GADL1: variants seen among roughly 807,000 people sequenced by gnomAD.
The protein encoded by GADL1 is GAD like acidic amino acid decarboxylase 1, also known as acidic amino acid decarboxylase GADL1.
Under a neutral mutation model 69.5 loss-of-function variants are expected in GADL1, and 71 were observed. The observed-to-expected ratio is 1.02, with a 90% CI of 0.84 to 1.25. GADL1 has a LOEUF of 1.25. Ranked by LOEUF, GADL1 falls within the 50% of genes most tolerant of loss-of-function variation. GADL1 has a pLI of 0.00. For synonymous variants in GADL1, 254 were observed against 214.4 expected, an observed-to-expected ratio of 1.18 and a Z score of -1.62; for missense variants, 737 against 631.8, an observed-to-expected ratio of 1.17 and a Z score of -1.79.
At chr3:30,854,591 G>A (rs554067444) in intron 4 of GADL1, 108 bp downstream of exon 4, 278 of 642,342 alleles carry the variant, frequency 4.3e-4, no homozygotes, top group Middle Eastern at 1.8e-3. Flanking sequence ...TATTTGCGAT[G>A]GCACTATGCA....
intron 13 of GADL1, among the ~76,000 whole-genome samples, chr3:30,785,786 G>T (rs1052918241): frequency 1.3e-5 from 2 of 151,654 alleles, no homozygotes; most frequent in African/African-American, 4.9e-5. Context: ...TAAGAAGTTT[G>T]CAATTTATAT....
At chr3:30,741,774 A>G (rs1402896122) in intron 14 of GADL1, among the ~76,000 whole-genome samples, 1 of 152,178 alleles carries the variant, frequency 6.6e-6, no homozygotes, top group East Asian at 1.9e-4. Context: ...AAAAAATATG[A>G]CTGCAATTTT....
chr3:30,749,281 G>A (rs1042230924), intron 14 of GADL1, among the ~76,000 whole-genome samples: 1 of 152,158 alleles, frequency 6.6e-6, no homozygotes, highest in Non-Finnish European at 1.5e-5. Flanking sequence ...AAGCAGAAAA[G>A]GTTACATAAG....
chr3:30,732,915 G>C (rs148816486), intron 14 of GADL1, among the ~76,000 whole-genome samples: 153 of 152,174 alleles, frequency 1.0e-3, no homozygotes, highest in Non-Finnish European at 1.7e-3. Flanking sequence ...AAATTAGCTG[G>C]GTGAGGTGCT....
At chr3:30,886,948 G>C (rs904953516) in intron 1 of GADL1, among the ~76,000 whole-genome samples, 3 of 152,200 alleles carry the variant, frequency 2.0e-5, no homozygotes, top group African/African-American at 7.2e-5. Flanking sequence ...GAATGAGCCA[G>C]TGCTAAGTGT....
At chr3:30,811,654 C>A (rs928302490) in intron 11 of GADL1, among the ~76,000 whole-genome samples, 15 of 152,138 alleles carry the variant, frequency 9.9e-5, no homozygotes, top group African/African-American at 2.9e-4. Context: ...ACATGGAGTG[C>A]ATACTGATTT....
At position 30,787,697 on chromosome 3, in the gene GADL1, T is replaced by G. The variant is rs186318575; in HGVS notation, c.1251-1291A>C. Among the ~76,000 whole-genome samples the G allele has an allele frequency of 5.3e-5, 8 of 152,260 alleles. No individual in the cohort carries two copies. In the East Asian group the frequency reaches 1.5e-3, roughly 29 times the overall value. ...TAAATCATAAATATTCAACTAATAT[T>G]TAAAGACACAACCATGCTCCTCTTG... is the stretch of plus-strand genomic sequence containing the variant. On this transcript the variant is annotated intron_variant, in intron 12 of 14. Coordinates refer to ENST00000282538, the MANE Select transcript of GADL1 (RefSeq NM_207359.3).
chr3:30,802,499 T>A (rs59488241), intron 11 of GADL1, among the ~76,000 whole-genome samples: 6,710 of 152,250 alleles, frequency 0.044, 527 homozygotes, highest in African/African-American at 0.15. Flanking sequence ...AAAAAGCTTC[T>A]CAGTAGACAT....
chr3:30,764,027 T>TG (rs1471375022), intron 14 of GADL1, among the ~76,000 whole-genome samples: 1 of 152,078 alleles, frequency 6.6e-6, no homozygotes, highest in East Asian at 1.9e-4. Context: ...AATCTCTAAA[T>TG]GAGGATACAG....
intron 5 of GADL1, among the ~76,000 whole-genome samples, 181 bp downstream of exon 5, chr3:30,850,654 C>T (rs913229820): frequency 1.3e-4 from 20 of 152,148 alleles, no homozygotes; most frequent in African/African-American, 4.8e-4. Flanking sequence ...TGTATGTCAT[C>T]TATTTAGCAT....
At chr3:30,845,506 T>G (rs964642638) in intron 6 of GADL1, among the ~76,000 whole-genome samples, 1 of 152,202 alleles carries the variant, frequency 6.6e-6, no homozygotes, top group Non-Finnish European at 1.5e-5. Flanking sequence ...ATGTGGTAAT[T>G]TTTTTCCTTT....
At chr3:30,833,353 G>T (rs1031609425) in intron 11 of GADL1, among the ~76,000 whole-genome samples, 1 of 152,028 alleles carries the variant, frequency 6.6e-6, no homozygotes, top group African/African-American at 2.4e-5. Context: ...AACCACTTGG[G>T]ATGAGCAATC....
At chr3:30,772,335 T>A (rs28419619) in intron 14 of GADL1, among the ~76,000 whole-genome samples, 17,103 of 152,170 alleles carry the variant, frequency 0.11, 2,767 homozygotes, top group African/African-American at 0.36. Context: ...AGAACGTAAA[T>A]TGTGTTGGCA....
At chr3:30,765,234 ATAAGAAGTGGTGGCTCTCG>A (rs1696242447) in intron 14 of GADL1, among the ~76,000 whole-genome samples, 1 of 152,178 alleles carries the variant, frequency 6.6e-6, no homozygotes, top group South Asian at 2.1e-4. Flanking sequence ...ATCACCACTC[ATAAGAAGTGGTGGCTCTCG>A]GCTCTTCCTG....
intron 14 of GADL1, among the ~76,000 whole-genome samples, chr3:30,747,307 C>T (rs2125475754): frequency 6.6e-6 from 1 of 152,304 alleles, no homozygotes; most frequent in East Asian, 1.9e-4. Context: ...GCCTCCAGAC[C>T]TTAGACACAC....
rs559471469 is a variant in GADL1, at chr3:30,751,309, C to G, written c.1393-22894G>C. Among the ~76,000 whole-genome samples the G allele has an allele frequency of 5.3e-5, 8 of 152,080 alleles. No homozygotes were observed. In the East Asian group the frequency reaches 1.5e-3, roughly 29 times the overall value. Reference sequence around the variant, plus strand: ...CCAATTCTTTTGGCTTTATAAAGCCCTGGGACCATTGTGGTAAGGAGACTC... The same window carrying G: ...CCAATTCTTTTGGCTTTATAAAGCCGTGGGACCATTGTGGTAAGGAGACTC... On this transcript the variant is annotated intron_variant, in intron 14 of 14. Coordinates refer to ENST00000282538, the MANE Select transcript of GADL1 (RefSeq NM_207359.3).
intron 2 of GADL1, among the ~76,000 whole-genome samples, chr3:30,858,768 T>C (rs142764704): frequency 1.7e-3 from 251 of 152,020 alleles, no homozygotes; most frequent in African/African-American, 5.8e-3. Context: ...GGAGACACTA[T>C]GATAATGTAA....
intron 12 of GADL1, among the ~76,000 whole-genome samples, chr3:30,797,422 AAAACTT>A (rs1697059310): frequency 6.6e-6 from 1 of 152,206 alleles, no homozygotes. Flanking sequence ...AATAATAACT[AAAACTT>A]AAATAGCATG....
chr3:30,785,773 A>T (rs1696775660), intron 13 of GADL1, among the ~76,000 whole-genome samples: 1 of 152,118 alleles, frequency 6.6e-6, no homozygotes, highest in African/African-American at 2.4e-5. Flanking sequence ...CTATAACAAA[A>T]TCTAAGAAGT....
Sources: allele counts gnomAD v4.1 joint callset (sites outside exome capture counted in the v4.1 genomes callset), GRCh38; gene constraint gnomAD v4.1.1; transcripts MANE v1.5; gene names NCBI Gene and HGNC (gene_info 2026-07-23, HGNC 2026-07-21).